ARHGAP15: variants seen among roughly 807,000 people sequenced by gnomAD.
ARHGAP15 encodes the protein rho GTPase-activating protein 15.
Under a neutral mutation model 63.7 loss-of-function variants are expected in ARHGAP15, and 51 were observed. The observed-to-expected ratio is 0.80, with a 90% CI of 0.64 to 1.01. The LOEUF is 1.01. Ranked by LOEUF, ARHGAP15 falls within the 50% of genes least tolerant of loss-of-function variation. The pLI is 0.00. For synonymous variants in ARHGAP15, 191 were observed against 193.8 expected (o/e 0.99, Z 0.12); for missense variants, 560 against 564.6 (o/e 0.99, Z 0.08).
At chr2:143,469,602 C>T (rs1691417268) in intron 8 of ARHGAP15, among the ~76,000 whole-genome samples, 1 of 152,104 alleles carries the variant, frequency 6.6e-6, no homozygotes, top group South Asian at 2.1e-4. Context: ...TGTTACTAGC[C>T]TCATGCAAAC....
In ARHGAP15 at chr2:143,732,132, TAAG is replaced by T. The variant is rs142463529; in HGVS notation, c.1244+28611_1244+28613del. Among the ~76,000 whole-genome samples the T allele has an allele frequency of 5.4e-3, 819 of 152,308 alleles. 6 individuals carry two copies. Among genetic ancestry groups the T allele is most frequent in the African/African-American group, 0.018 (762 of 41,560 alleles). ...ATTTGACTTGCAAAAGGGAAAATAATAAGAAATTCTGAATCTTGTTGCCTCTGG... is the reference window on the plus strand; with the variant it reads ...ATTTGACTTGCAAAAGGGAAAATAATAAATTCTGAATCTTGTTGCCTCTGG... On this transcript the variant is annotated intron_variant, in intron 13 of 13. Coordinates refer to ENST00000295095, the MANE Select transcript of ARHGAP15 (RefSeq NM_018460.4).
At chr2:143,608,888 A>G (rs1325031625) in intron 11 of ARHGAP15, 1 of 152,198 alleles carries the variant, frequency 6.6e-6, no homozygotes, top group Non-Finnish European at 1.5e-5. Flanking sequence ...TAATTATGTT[A>G]ACTTGGGAAG....
At chr2:143,143,316 G>T (rs1390161249) in intron 1 of ARHGAP15, among the ~76,000 whole-genome samples, 1 of 152,054 alleles carries the variant, frequency 6.6e-6, no homozygotes, top group African/African-American at 2.4e-5. Flanking sequence ...CTAGAAAGAA[G>T]AGGATACATT....
intron 6 of ARHGAP15, among the ~76,000 whole-genome samples, chr2:143,307,839 C>T (rs114071500): frequency 0.019 from 2,871 of 152,068 alleles, 92 homozygotes; most frequent in African/African-American, 0.065. Flanking sequence ...ATTCTTATGA[C>T]TCCATCTCCA....
chr2:143,470,503 G>A lies in ARHGAP15; in HGVS notation c.704-16870G>A, dbSNP rs551237667. Among the ~76,000 whole-genome samples, 24 of 149,264 alleles carry A rather than the reference G, an allele frequency of 1.6e-4. 1 individual carries two copies. In the South Asian group the frequency reaches 5.1e-3, roughly 32 times the overall value. On this transcript the variant is annotated intron_variant, in intron 8 of 13. Transcript: ENST00000295095. ...TAAGAGTTTTCATTTTTCTAAAAAA[G>A]GAATTCATAATATTCTTTTGTTTTA... is the stretch of plus-strand genomic sequence containing the variant.
At chr2:143,203,576 A>G (rs1692210087) in intron 3 of ARHGAP15, among the ~76,000 whole-genome samples, 2 of 152,118 alleles carry the variant, frequency 1.3e-5, no homozygotes, top group African/African-American at 4.8e-5. Context: ...AACCACCAGT[A>G]TGCAGTATAT....
intron 12 of ARHGAP15, among the ~76,000 whole-genome samples, chr2:143,645,269 T>C (rs1003670922): frequency 1.3e-5 from 2 of 152,086 alleles, no homozygotes; most frequent in African/African-American, 4.8e-5. Flanking sequence ...ATCTGCAGAT[T>C]GAAAAGAACT....
intron 6 of ARHGAP15, among the ~76,000 whole-genome samples, chr2:143,413,960 T>TGCGCGCGCGC (rs1254967791): frequency 1.6e-5 from 1 of 64,410 alleles, no homozygotes; most frequent in African/African-American, 5.7e-5. Context: ...TGTGTGTGTG[T>TGCGCGCGCGC]GTGTGTGCGC....
intron 8 of ARHGAP15, among the ~76,000 whole-genome samples, chr2:143,470,608 T>TATATGTGTATATATATAC (rs1691473606): frequency 6.7e-6 from 1 of 150,256 alleles, no homozygotes; most frequent in South Asian, 2.1e-4. Context: ...TGTGTGTGTA[T>TATATGTGTATATATATAC]ATATGTGTAT....
chr2:143,712,149 G>A (rs1684609732), intron 13 of ARHGAP15, among the ~76,000 whole-genome samples: 1 of 152,156 alleles, frequency 6.6e-6, no homozygotes, highest in African/African-American at 2.4e-5. Flanking sequence ...TAGGGAGAAT[G>A]GGGGAAAGTG....
At chr2:143,521,059 T>A (rs1219900846) in intron 10 of ARHGAP15, among the ~76,000 whole-genome samples, 1 of 152,226 alleles carries the variant, frequency 6.6e-6, no homozygotes, top group Non-Finnish European at 1.5e-5. Context: ...TTTTGCTGAC[T>A]GGAGCAATCA....
intron 9 of ARHGAP15, among the ~76,000 whole-genome samples, chr2:143,499,918 A>G (rs920901722): frequency 4.6e-5 from 7 of 152,128 alleles, no homozygotes; most frequent in Admixed American, 2.6e-4. Context: ...AAAGAATACA[A>G]AAGAGAAATA....
chr2:143,160,282 G>C (rs1013731032), intron 2 of ARHGAP15, among the ~76,000 whole-genome samples: 3 of 151,816 alleles, frequency 2.0e-5, no homozygotes, highest in African/African-American at 7.3e-5. Flanking sequence ...CTTATACACT[G>C]CATTCTTCAG....
chr2:143,707,454 A>G (rs1326622895), intron 13 of ARHGAP15, among the ~76,000 whole-genome samples: 15 of 152,238 alleles, frequency 9.9e-5, no homozygotes. Flanking sequence ...ATGGGAAAGA[A>G]GATGACGAGG....
At chr2:143,358,330 A>G (rs1024005773) in intron 6 of ARHGAP15, among the ~76,000 whole-genome samples, 4 of 152,196 alleles carry the variant, frequency 2.6e-5, no homozygotes, top group African/African-American at 9.6e-5. Flanking sequence ...CAAATGCTTA[A>G]CAAGTTATCT....
At chr2:143,556,323 G>T in intron 10 of ARHGAP15, 85 bp from the exon 11 acceptor site, 1 of 1,037,506 alleles carries the variant, frequency 9.6e-7, no homozygotes, top group South Asian at 1.7e-5. Flanking sequence ...ATAGATATTT[G>T]ATTTACTCCT....
At chr2:143,188,154 T>C (rs1454308282) in intron 2 of ARHGAP15, among the ~76,000 whole-genome samples, 1 of 152,154 alleles carries the variant, frequency 6.6e-6, no homozygotes, top group East Asian at 1.9e-4. Flanking sequence ...TCCGTTACTA[T>C]AGTTTAATAT....
rs77850528 is a variant in ARHGAP15, at chr2:143,687,348, G to A, written c.1139-16071G>A. 5.9e-5 allele frequency among the ~76,000 whole-genome samples: 9 copies of A among 152,154 alleles called. No homozygotes were observed. In the East Asian group the frequency reaches 1.7e-3, roughly 29 times the overall value. ...TAGGTTTTATTTTCCACTCTTTGGA[G>A]GCTCAGTCCAATAAGCAATACAATT... On this transcript the variant is annotated intron_variant, in intron 12 of 13. Coordinates refer to ENST00000295095, the MANE Select transcript of ARHGAP15 (RefSeq NM_018460.4).
intron 6 of ARHGAP15, among the ~76,000 whole-genome samples, chr2:143,361,815 G>A (rs1686068462): frequency 6.6e-6 from 1 of 152,126 alleles, no homozygotes. Context: ...TCCTGGGGCT[G>A]GCTGCCAGAG....
Sources: gnomAD v4.1 joint callset for allele counts (sites outside exome capture counted in the v4.1 genomes callset) on GRCh38, gnomAD v4.1.1 for gene constraint, MANE v1.5 for transcripts, NCBI Gene and HGNC (gene_info 2026-07-23, HGNC 2026-07-21) for gene names.